The following RNF213 variants were observed in gnomAD, a reference collection of about 807,000 sequenced individuals.
The protein encoded by RNF213 is ring finger protein 213.
RNF213 carries 341 observed loss-of-function variants against 514.4 expected under a neutral mutation model. The ratio of observed to expected loss-of-function variants is 0.66; its 90% confidence interval spans 0.61 to 0.73. RNF213 has a LOEUF of 0.73. Among genes scored for constraint, RNF213 ranks in the 30% least tolerant of loss-of-function variants. RNF213 has a pLI of 0.00. For missense variants in RNF213, 5,767 were observed against 6,615.6 expected (o/e 0.87, Z 4.45); for synonymous variants, 2,655 against 2,658.2 (o/e 1.00, Z 0.04).
At chr17:80,334,626 T>G (rs1196903269) in intron 22 of RNF213, among the ~76,000 whole-genome samples, 3 of 151,740 alleles carry the variant, frequency 2.0e-5, no homozygotes, top group East Asian at 3.9e-4. Flanking sequence ...GTTTTTTTTT[T>G]TTGTTTGTTT....
chr17:80,384,341 G>A (rs2144622909), intron 59 of RNF213, among the ~76,000 whole-genome samples: 1 of 152,356 alleles, frequency 6.6e-6, no homozygotes, highest in South Asian at 2.1e-4. Flanking sequence ...TGGAAGACGG[G>A]AGTGAGTGGG....
At position 80,371,809 on chromosome 17, in the gene RNF213, C is replaced by CT. The variant is rs928660806; in HGVS notation, c.12426-57dup. On this transcript the variant is annotated intron_variant, in intron 46 of 67. Transcript: ENST00000582970. ...GACAGACGACCGATAGATAGATGCT[C>CT]TTTTTTTTAGTAAGGTATGTCTCCA... 4.9e-5 allele frequency: 41 copies of CT among 844,856 alleles called. No homozygotes were observed. The Middle Eastern group carries it at 1.1e-3, about 22-fold the overall frequency. 52.3% of individuals were successfully genotyped at this position (844,856 alleles called of 1,614,324 possible).
Position 80,395,839 on chromosome 17 carries a change from G to A in RNF213, c.*2341G>A, listed in dbSNP as rs534174974. 1.3e-5 allele frequency: 2 copies of A among 152,294 alleles called. No homozygotes were observed. The highest frequency in any genetic ancestry group is 4.8e-5 in the African/African-American group (2 of 41,554). The allele number at this position is 152,294 out of a possible 1,614,324, so 9.4% of individuals were successfully genotyped here. ...AACCTGTGGTCTAGAACCACAGCAA[G>A]AAGAGGAGGCATGCTGGCCTGCACC... is the stretch of plus-strand genomic sequence containing the variant. On this transcript the variant is annotated 3_prime_UTR_variant, in exon 68 of 68. Transcript: ENST00000582970.
At chr17:80,374,625 T>C (rs778929955) in intron 50 of RNF213, 36 bp downstream of exon 50, 2 of 1,611,940 alleles carry the variant, frequency 1.2e-6, no homozygotes, top group African/African-American at 2.7e-5. Flanking sequence ...TGATACCAGG[T>C]GGCATCCCTT....
At chr17:80,389,099 C>T (rs1256416606) in intron 64 of RNF213, 74 bp from the exon 65 acceptor site, 32 of 1,428,964 alleles carry the variant, frequency 2.2e-5, no homozygotes, top group Non-Finnish European at 3.0e-5. Flanking sequence ...TGAAGGGGCT[C>T]GGCTCTCTTA....
intron 3 of RNF213, among the ~76,000 whole-genome samples, chr17:80,276,080 TA>T (rs1425629895): frequency 4.0e-5 from 6 of 150,910 alleles, no homozygotes; most frequent in Admixed American, 2.0e-4. Flanking sequence ...TTTATTTATT[TA>T]TTTATTTTTT....
Position 80,353,480 on chromosome 17 carries a change from T to C in RNF213, c.10424-32T>C. On this transcript the variant is annotated intron_variant, in intron 33 of 67. Coordinates refer to ENST00000582970, the MANE Select transcript of RNF213 (RefSeq NM_001256071.3). The surrounding 1 kb of genome is among the most constrained non-coding windows in gnomAD (Gnocchi z 5.0). Reference sequence around the variant, plus strand: ...GCCAGTCCCTGTGCCACCTTCTGAGTGGTAACGCAATCACGTTTGCTTCGA... The same window carrying C: ...GCCAGTCCCTGTGCCACCTTCTGAGCGGTAACGCAATCACGTTTGCTTCGA... The C allele has an allele frequency of 6.3e-7, 1 of 1,584,810 alleles. No individual in the cohort carries two copies. Among genetic ancestry groups the C allele is most frequent in the South Asian group, 1.1e-5 (1 of 87,310 alleles).
At position 80,358,517 on chromosome 17, in the gene RNF213, A is replaced by G. The variant is rs543158744; in HGVS notation, c.11054+38A>G. ...CTTTCTTTCCCTGGGGAGAGAAACT[A>G]TCAGAACACAGCAGGACCCTAATAT... On this transcript the variant is annotated intron_variant, in intron 37 of 67. Transcript: ENST00000582970. 8.3e-6 allele frequency: 13 copies of G among 1,574,974 alleles called. No homozygotes were observed. In the African/African-American group the frequency reaches 1.1e-4, roughly 13 times the overall value.
At chr17:80,367,554 CCT>C (rs1163670611) in intron 42 of RNF213, among the ~76,000 whole-genome samples, 192 bp from the exon 43 acceptor site, 1 of 152,114 alleles carries the variant, frequency 6.6e-6, no homozygotes, top group African/African-American at 2.4e-5. Context: ...AATGTAGTCC[CCT>C]GACAAGCAGC....
At chr17:80,283,697 T>A (rs1216054031) in intron 3 of RNF213, among the ~76,000 whole-genome samples, 1 of 152,108 alleles carries the variant, frequency 6.6e-6, no homozygotes, top group Non-Finnish European at 1.5e-5. Context: ...GTAGGGGGCC[T>A]GCATCTTCCA....
rs778210213 is a variant in RNF213 at position 80,273,163 on chromosome 17, G to C, written c.98-78G>C. 3 of 1,573,462 alleles carry C rather than the reference G, an allele frequency of 1.9e-6. No homozygotes were observed. The African/African-American group carries it at 4.1e-5, about 21-fold the overall frequency. Reference sequence around the variant, plus strand: ...ACAGGGTGAATCTCTCCATGCACTCGTGGGGAGGATTTCTGTTTTTCCTTC... The same window carrying C: ...ACAGGGTGAATCTCTCCATGCACTCCTGGGGAGGATTTCTGTTTTTCCTTC... On this transcript the variant is annotated intron_variant, in intron 2 of 67. Transcript: ENST00000582970.
At chr17:80,378,309 G>A (rs533836081) in intron 54 of RNF213, among the ~76,000 whole-genome samples, 7 of 152,204 alleles carry the variant, frequency 4.6e-5, no homozygotes, top group Non-Finnish European at 8.8e-5. Flanking sequence ...AAAAAGCCAC[G>A]TGTAGGCTGT....
intron 67 of RNF213, 55 bp from the exon 68 acceptor site, chr17:80,393,290 G>A (rs541531635): frequency 7.3e-5 from 112 of 1,533,092 alleles, no homozygotes; most frequent in African/African-American, 2.0e-4. Context: ...GCTTACACAC[G>A]TGAGCCACCA....
At position 80,346,470 on chromosome 17, in the gene RNF213, C is replaced by A. The variant is rs566785729; in HGVS notation, c.8135C>A (p.Pro2712Gln). 7 of 1,613,852 alleles carry A rather than the reference C, an allele frequency of 4.3e-6. No homozygotes were observed. The highest frequency in any genetic ancestry group is 5.9e-6 in the Non-Finnish European group (7 of 1,180,036). ...SYRKAIARFF[P>Q]KPYDDSRLLL... is the part of the protein sequence containing the mutation. ...CGGAAAGCCATCGCCAGGTTCTTTC[C>A]GAAACCGTATGACGACAGCAGGCTG... The change falls in exon 29 of 68, where the codon CCG becomes CAG. Residue 2712 changes from proline to glutamine, a missense_variant. Physicochemically the swap from Pro to Gln is moderately conservative, Grantham distance 76 (BLOSUM62 -1). Coordinates refer to ENST00000582970, the MANE Select transcript of RNF213 (RefSeq NM_001256071.3). This position sits in a 1 kb window ranked among gnomAD's most constrained non-coding sequence, Gnocchi z 8.1.
chr17:80,317,190 C>T lies in RNF213; in HGVS notation c.2814C>T (p.Val938=). ...TGACCTGTGTGCGGGTTTTGCAGGTCTGGAGGCGGCTGGTGGAAATCCAAT... is the reference window on the plus strand; with the variant it reads ...TGACCTGTGTGCGGGTTTTGCAGGTTTGGAGGCGGCTGGTGGAAATCCAAT... ...ASFTYVKEIE[V]WRRLVEIQFP... Residue 938 remains valine, a splice_region_variant and synonymous_variant, in exon 16 of 68, where the codon GTC becomes GTT. Coordinates refer to ENST00000582970, the MANE Select transcript of RNF213 (RefSeq NM_001256071.3). This position sits in a 1 kb window ranked among gnomAD's most constrained non-coding sequence, Gnocchi z 4.1. 6.2e-7 allele frequency: 1 copy of T among 1,611,662 alleles called. No homozygotes were observed. The highest frequency in any genetic ancestry group is 8.5e-7 in the Non-Finnish European group (1 of 1,179,542).
intron 40 of RNF213, 143 bp from the exon 41 acceptor site, chr17:80,363,466 C>A: frequency 8.3e-7 from 1 of 1,201,504 alleles, no homozygotes. Context: ...GGACACATCT[C>A]GCTGACGCTT....
chr17:80,363,038 C>A, intron 39 of RNF213, 64 bp from the exon 40 acceptor site: 1 of 1,437,616 alleles, frequency 7.0e-7, no homozygotes. Flanking sequence ...TCGGATTTCC[C>A]ACGGGGAAAA....
intron 51 of RNF213, 38 bp from the exon 52 acceptor site, chr17:80,376,263 C>A: frequency 1.2e-6 from 2 of 1,611,962 alleles, no homozygotes; most frequent in Non-Finnish European, 1.7e-6. Flanking sequence ...ACACAATATT[C>A]TTTGATACAT....
chr17:80,361,094 T>A (rs2079039227), intron 38 of RNF213, among the ~76,000 whole-genome samples: 1 of 152,238 alleles, frequency 6.6e-6, no homozygotes, highest in African/African-American at 2.4e-5. Flanking sequence ...TGAAGCATGC[T>A]GTGACCTGTA....
Sources: gnomAD v4.1 joint callset for allele counts (sites outside exome capture counted in the v4.1 genomes callset) on GRCh38, gnomAD v4.1.1 for gene constraint, Gnocchi (gnomAD v3.1) non-coding constraint, MANE v1.5 for transcripts, NCBI Gene and HGNC (gene_info 2026-07-23, HGNC 2026-07-21) for gene names.